Variants in TIGD6 observed in about 807,000 individuals in gnomAD.
TIGD6 encodes the protein tigger transposable element derived 6.
Under a neutral mutation model 2.6 loss-of-function variants are expected in TIGD6, and 1 was observed. The observed-to-expected ratio is 0.39, with a 90% CI of 0.14 to 1.85. The LOEUF is 1.85. Among genes scored for constraint, TIGD6 ranks in the 40% most tolerant of loss-of-function variants. TIGD6 has a pLI of 0.32. For synonymous variants in TIGD6, 193 were observed against 221.9 expected, an observed-to-expected ratio of 0.87 and a Z score of 1.16; for missense variants, 601 against 634.2, an observed-to-expected ratio of 0.95 and a Z score of 0.56.
Position 149,995,117 on chromosome 5 carries a change from A to G in TIGD6, c.1232T>C (p.Val411Ala). 6.2e-7 allele frequency: 1 copy of G among 1,614,196 alleles called. No individual in the cohort carries two copies. The highest frequency in any genetic ancestry group is 1.1e-5 in the South Asian group (1 of 91,086). The part of the protein sequence containing the change: ...LWHTVAIATC[V>A]PNEVNFQDFV... ...GTCCTGGAAATTTACTTCATTTGGG[A>G]CACAGGTGGCAATAGCCACTGTGTG... is the stretch of plus-strand genomic sequence containing the variant. Residue 411 changes from valine (V) to alanine (A), a missense_variant, in exon 2 of 2, where the codon GTC becomes GCC. Coordinates refer to ENST00000296736, the MANE Select transcript of TIGD6 (RefSeq NM_030953.4).
intron 1 of TIGD6, among the ~76,000 whole-genome samples, chr5:149,997,978 TA>T: frequency 6.8e-6 from 1 of 147,306 alleles, no homozygotes. Context: ...AATAAATAAA[TA>T]AATAACTGGG....
intron 1 of TIGD6, among the ~76,000 whole-genome samples, chr5:149,997,770 C>T (rs1561838181): frequency 1.3e-5 from 2 of 151,306 alleles, no homozygotes; most frequent in Non-Finnish European, 2.9e-5. Flanking sequence ...CCATCCTGGC[C>T]AACATGGTGA....
At position 149,995,816 on chromosome 5, in the gene TIGD6, G is replaced by A. The variant is rs745720529; in HGVS notation, c.533C>T (p.Ala178Val). ...ADYSPDDIFN[A>V]DETGVFFQLL... ...CTGGAAAAACACTCCTGTCTCATCA[G>A]CATTAAAGATATCATCTGGGCTGTA... The change falls in exon 2 of 2, where the codon GCT becomes GTT. Residue 178 changes from alanine to valine, a missense_variant. Ala to Val is a moderately conservative substitution (Grantham distance 64). Coordinates refer to ENST00000296736, the MANE Select transcript of TIGD6 (RefSeq NM_030953.4). 25 of 1,614,066 alleles carry A rather than the reference G, an allele frequency of 1.5e-5. No homozygotes were observed. Among genetic ancestry groups the A allele is most frequent in the Admixed American group, 8.3e-5 (5 of 60,012 alleles).
chr5:149,996,155 G>A lies in TIGD6; in HGVS notation c.194C>T (p.Pro65Leu), dbSNP rs781071362. Residue 65 changes from proline (P) to leucine (L), a missense_variant, in exon 2 of 2, where the codon CCC (proline) becomes CTC (leucine). Coordinates refer to ENST00000296736, the MANE Select transcript of TIGD6 (RefSeq NM_030953.4). Reference sequence around the variant, plus strand: ...AGCGCTCCTCATCCTTTTCCGCTGGGGTCCCACGGATGCCTCCCGCACCTT... The same window carrying A: ...AGCGCTCCTCATCCTTTTCCGCTGGAGTCCCACGGATGCCTCCCGCACCTT... ...EEKVREASVG[P>L]QRKRMRSALY... is the part of the protein sequence containing the mutation. 1 of 1,610,032 alleles carries A rather than the reference G, an allele frequency of 6.2e-7. No homozygotes were observed. The highest frequency in any genetic ancestry group is 8.5e-7 in the Non-Finnish European group (1 of 1,180,002).
chr5:149,993,176 A>G lies in TIGD6; in HGVS notation c.*1607T>C, dbSNP rs1381771364. 1.3e-5 allele frequency: 2 copies of G among 152,354 alleles called. No homozygotes were observed. Among genetic ancestry groups the G allele is most frequent in the East Asian group, 3.9e-4 (2 of 5,184 alleles). 9.4% of individuals were successfully genotyped at this position (152,354 alleles called of 1,614,324 possible). A position where few individuals can be genotyped will look rare whatever the true frequency, so the allele number is the denominator to read the frequency against. ...AGAAAAAATATCCAAAATAAGCTAT[A>G]AAATAATCTATTTAAACATCTGCTG... On this transcript the variant is annotated 3_prime_UTR_variant, in exon 2 of 2. Transcript: ENST00000296736.
Position 149,994,916 on chromosome 5 carries a change from T to G in TIGD6, c.1433A>C (p.Gln478Pro). The change falls in exon 2 of 2, where the codon CAG (glutamine) becomes CCG (proline). Residue 478 changes from glutamine (Q) to proline (P), a missense_variant. By Grantham distance (76) the Gln-to-Pro change is moderately conservative. Coordinates refer to ENST00000296736, the MANE Select transcript of TIGD6 (RefSeq NM_030953.4). ...EAISSVQKLR[Q>P]FLSTCVDIPD... ...AATGTCTACACAAGTGGAAAGGAAC[T>G]GTCTAAGTTTCTGTACACTTGATAT... The G allele has an allele frequency of 6.2e-7, 1 of 1,612,206 alleles. No individual in the cohort carries two copies. The highest frequency in any genetic ancestry group is 8.5e-7 in the Non-Finnish European group (1 of 1,178,566).
intron 1 of TIGD6, among the ~76,000 whole-genome samples, chr5:149,998,595 A>G (rs1018071451): frequency 5.9e-5 from 9 of 152,242 alleles, no homozygotes; most frequent in African/African-American, 2.2e-4. Context: ...ACGCTGGTCC[A>G]ACAAAACATG....
rs200538053 is a variant in TIGD6 at position 149,995,471 on chromosome 5, G to A, written c.878C>T (p.Pro293Leu). 2.6e-4 allele frequency: 412 copies of A among 1,614,128 alleles called. No homozygotes were observed. The highest frequency in any genetic ancestry group is 3.2e-4 in the Non-Finnish European group (381 of 1,180,050). ...IDNCSAHNML[P>L]HLERIQVGYL... ...CCCAACCTGAATCCTTTCCAAGTGT[G>A]GAAGCATGTTATGAGCAGAGCAGTT... The change falls in exon 2 of 2, where the codon CCA becomes CTA. Residue 293 changes from proline (P) to leucine (L), a missense_variant. Pro to Leu is a moderately conservative substitution (Grantham distance 98, BLOSUM62 -3). Transcript: ENST00000296736.
chr5:149,995,967 T>C lies in TIGD6; in HGVS notation c.382A>G (p.Arg128Gly), dbSNP rs890271147. 5 of 1,611,860 alleles carry C rather than the reference T, an allele frequency of 3.1e-6. No homozygotes were observed. The African/African-American group carries it at 6.7e-5, about 22-fold the overall frequency. Residue 128 changes from arginine (R) to glycine (G), a missense_variant, in exon 2 of 2, where the codon AGA becomes GGA. Arg to Gly is a moderately radical substitution (Grantham distance 125). Transcript: ENST00000296736. ...TTCAAAGCAATTCCGTGGCGATCTC[T>C]AAATCTGTTCAGCCAGCCCACACTT... ...QASVGWLNRF[R>G]DRHGIALKAV...
Position 149,995,896 on chromosome 5 carries a change from T to C in TIGD6, c.453A>G (p.Gly151=). 6.2e-7 allele frequency: 1 copy of C among 1,614,196 alleles called. No individual in the cohort carries two copies. Among genetic ancestry groups the C allele is most frequent in the Non-Finnish European group, 8.5e-7 (1 of 1,180,046 alleles). ...CATGCCACTCATTAATCTTATCTAT[T>C]CCTAGACCATTCATTAACCTGTCAC... ...EDSDRLMNGL[G]IDKINEWHAG... Residue 151 remains glycine, a synonymous_variant, in exon 2 of 2, where the codon GGA becomes GGG. Transcript: ENST00000296736.
At position 149,995,675 on chromosome 5, in the gene TIGD6, C is replaced by T. The variant is rs1428820691; in HGVS notation, c.674G>A (p.Arg225Lys). The T allele has an allele frequency of 1.2e-6, 2 of 1,614,080 alleles. No homozygotes were observed. Among genetic ancestry groups the T allele is most frequent in the Non-Finnish European group, 8.5e-7 (1 of 1,180,044 alleles). ...CCNASGTEKM[R>K]PLIVGRSASP... is the part of the protein sequence containing the mutation. ...GGCTGACCTACCAACAATCAATGGT[C>T]TCATTTTTTCAGTCCCCGAGGCATT... Residue 225 changes from arginine (R) to lysine (K), a missense_variant, in exon 2 of 2, where the codon AGA becomes AAA. By Grantham distance (26) the Arg-to-Lys change is conservative. Coordinates refer to ENST00000296736, the MANE Select transcript of TIGD6 (RefSeq NM_030953.4).
intron 1 of TIGD6, among the ~76,000 whole-genome samples, chr5:149,998,938 G>C (rs1226929521): frequency 6.6e-6 from 1 of 152,228 alleles, no homozygotes; most frequent in Non-Finnish European, 1.5e-5. Flanking sequence ...AACTGGAATG[G>C]AGCATGGATG....
intron 1 of TIGD6, chr5:150,000,205 C>A (rs1755507496): frequency 6.5e-6 from 1 of 154,468 alleles, no homozygotes; most frequent in Non-Finnish European, 1.5e-5. Context: ...TTGAGTCACT[C>A]CAGGAACTCA....
chr5:149,996,287 A>G lies in TIGD6; in HGVS notation c.62T>C (p.Val21Ala), dbSNP rs759742826. The change falls in exon 2 of 2, where the codon GTG becomes GCG. Residue 21 changes from valine to alanine, a missense_variant. By Grantham distance (64) the Val-to-Ala change is moderately conservative. Coordinates refer to ENST00000296736, the MANE Select transcript of TIGD6 (RefSeq NM_030953.4). ...QFSLEEKMKV[V>A]GAVDSGKRKG... ...CCTCTTGCCTGAGTCTACAGCTCCCACAACTTTCATTTTCTCCTCCAGAGA... is the reference window on the plus strand; with the variant it reads ...CCTCTTGCCTGAGTCTACAGCTCCCGCAACTTTCATTTTCTCCTCCAGAGA... 4 of 1,613,520 alleles carry G rather than the reference A, an allele frequency of 2.5e-6. No homozygotes were observed. The highest frequency in any genetic ancestry group is 1.1e-5 in the South Asian group (1 of 90,910).
intron 1 of TIGD6, 65 bp from the exon 2 acceptor site, chr5:149,996,494 T>C: frequency 2.5e-6 from 3 of 1,182,464 alleles, no homozygotes; most frequent in Non-Finnish European, 3.5e-6. Context: ...TGGTTCAGGA[T>C]TTTTACAAAT....
intron 1 of TIGD6, among the ~76,000 whole-genome samples, chr5:149,998,371 A>G (rs147982280): frequency 2.6e-5 from 4 of 152,100 alleles, no homozygotes; most frequent in Non-Finnish European, 4.4e-5. Context: ...TATTTTTGAA[A>G]AGTCCCATGG....
Position 149,995,417 on chromosome 5 carries a change from A to G in TIGD6, c.932T>C (p.Leu311Pro). 1.2e-6 allele frequency: 2 copies of G among 1,614,264 alleles called. No homozygotes were observed. The highest frequency in any genetic ancestry group is 2.2e-5 in the East Asian group (1 of 44,892). ...AATTATGCCAAGATTCAGTGGCTGC[A>G]GGACAGCAGTACAGTTGGAGGGCAG... is the stretch of plus-strand genomic sequence containing the variant. ...GYLPSNCTAV[L>P]QPLNLGIIHT... Residue 311 changes from leucine (L) to proline (P), a missense_variant, in exon 2 of 2, where the codon CTG becomes CCG. Leu to Pro is a moderately conservative substitution (Grantham distance 98). Transcript: ENST00000296736.
chr5:149,996,370 C>T lies in TIGD6; in HGVS notation c.-22G>A. 1.9e-6 allele frequency: 3 copies of T among 1,581,406 alleles called. No individual in the cohort carries two copies. The highest frequency in any genetic ancestry group is 2.6e-6 in the Non-Finnish European group (3 of 1,165,090). The stretch of plus-strand genomic sequence containing the variant: ...CCATTTCCAGGGAATGAGGGCTGGC[C>T]ACAACTAACAGGACTGTCTGGTTCC... On this transcript the variant is annotated 5_prime_UTR_variant, in exon 2 of 2. Transcript: ENST00000296736.
In TIGD6 at chr5:149,995,460, T is replaced by C. The variant is rs1755360697; in HGVS notation, c.889A>G (p.Arg297Gly). 6.2e-7 allele frequency: 1 copy of C among 1,614,250 alleles called. No individual in the cohort carries two copies. Among genetic ancestry groups the C allele is most frequent in the South Asian group, 1.1e-5 (1 of 91,086 alleles). The change falls in exon 2 of 2, where the codon AGG (arginine) becomes GGG (glycine). Residue 297 changes from arginine to glycine, a missense_variant. Coordinates refer to ENST00000296736, the MANE Select transcript of TIGD6 (RefSeq NM_030953.4). ...GAGGGCAGATACCCAACCTGAATCC[T>C]TTCCAAGTGTGGAAGCATGTTATGA... ...SAHNMLPHLE[R>G]IQVGYLPSNC...
Sources: allele counts gnomAD v4.1 joint callset (sites outside exome capture counted in the v4.1 genomes callset), GRCh38; gene constraint gnomAD v4.1.1; transcripts MANE v1.5; gene names NCBI Gene and HGNC (gene_info 2026-07-23, HGNC 2026-07-21).